The following SCN3B variants were observed in gnomAD, a reference collection of about 807,000 sequenced individuals.
SCN3B encodes sodium voltage-gated channel beta subunit 3.
In SCN3B, 11 loss-of-function variants were observed where a neutral mutation model predicts 25.4. That is an observed-to-expected ratio of 0.43 (90% CI 0.27 to 0.72). The LOEUF is 0.72. Among genes scored for constraint, SCN3B ranks in the 30% least tolerant of loss-of-function variants. The pLI is 0.18. For missense variants in SCN3B, 218 were observed against 278.3 expected (o/e 0.78, Z 1.54); for synonymous variants, 109 against 110.7 (o/e 0.99, Z 0.09).
intron 4 of SCN3B, chr11:123,640,376 C>T (rs1466669318): frequency 6.6e-6 from 1 of 152,192 alleles, no homozygotes; most frequent in Admixed American, 6.5e-5. Flanking sequence ...CCAGAATAAA[C>T]CCAACTTGAA....
rs1955806048 is a variant in SCN3B at position 123,642,635 on chromosome 11, T to G, written c.256A>C (p.Ser86Arg). The G allele has an allele frequency of 5.0e-6, 8 of 1,613,992 alleles. No individual in the cohort carries two copies. The highest frequency in any genetic ancestry group is 6.8e-6 in the Non-Finnish European group (8 of 1,179,978). ...CACTGCAGGCGCCCCTGAAAGGGGCTCTCCACCTCCTGGTGGCCATTCCGA... is the reference window on the plus strand; with the variant it reads ...CACTGCAGGCGCCCCTGAAAGGGGCGCTCCACCTCCTGGTGGCCATTCCGA... ...EYRNGHQEVE[S>R]PFQGRLQWNG... is the part of the protein sequence containing the mutation. The change falls in exon 4 of 7, where the codon AGC becomes CGC. Residue 86 changes from serine (S) to arginine (R), a missense_variant. By Grantham distance (110) the Ser-to-Arg change is moderately radical (BLOSUM62 -1). Coordinates refer to ENST00000299333, the MANE Select transcript of SCN3B (RefSeq NM_001040151.2). The surrounding 1 kb of genome is among the most constrained non-coding windows in gnomAD (Gnocchi z 4.3).
At position 123,653,027 on chromosome 11, in the gene SCN3B, G is replaced by C. The variant is rs887033623; in HGVS notation, c.55+720C>G. 3.3e-5 allele frequency among the ~76,000 whole-genome samples: 5 copies of C among 152,048 alleles called. No individual in the cohort carries two copies. The East Asian group carries it at 9.6e-4, about 29-fold the overall frequency. ...AGATTCCCTTATTTGGAGGGGGAAGGTCACCTCAGTTTCTCACAGCTGACA... is the reference window on the plus strand; with the variant it reads ...AGATTCCCTTATTTGGAGGGGGAAGCTCACCTCAGTTTCTCACAGCTGACA... On this transcript the variant is annotated intron_variant, in intron 2 of 6. Coordinates refer to ENST00000299333, the MANE Select transcript of SCN3B (RefSeq NM_001040151.2).
intron 3 of SCN3B, among the ~76,000 whole-genome samples, chr11:123,644,876 T>C (rs1436284189): frequency 6.7e-6 from 1 of 150,028 alleles, no homozygotes; most frequent in African/African-American, 2.4e-5. Flanking sequence ...CATACATATA[T>C]ATATATACAC....
Position 123,648,058 on chromosome 11 carries a change from C to T in SCN3B, c.56-2308G>A, listed in dbSNP as rs113943170. On this transcript the variant is annotated intron_variant, in intron 2 of 6. Transcript: ENST00000299333. ...TTAAACAAAAAGGAAATGTGGTTTGCGCAAAAGTTTGTGAGTGGGCAGAGG... is the reference window on the plus strand; with the variant it reads ...TTAAACAAAAAGGAAATGTGGTTTGTGCAAAAGTTTGTGAGTGGGCAGAGG... 2.4e-3 allele frequency among the ~76,000 whole-genome samples: 363 copies of T among 152,258 alleles called. 4 individuals carry two copies. Among genetic ancestry groups the T allele is most frequent in the South Asian group, 0.016 (78 of 4,824 alleles).
intron 2 of SCN3B, among the ~76,000 whole-genome samples, chr11:123,652,995 A>T (rs1036782370): frequency 1.3e-5 from 2 of 152,206 alleles, no homozygotes. Context: ...TTACTGTTCC[A>T]AGTGTAAGAT....
chr11:123,653,009 C>G (rs60697108), intron 2 of SCN3B, among the ~76,000 whole-genome samples: 277 of 152,262 alleles, frequency 1.8e-3, no homozygotes, highest in African/African-American at 6.4e-3. Flanking sequence ...GTAAGATTCC[C>G]TTATTTGGAG....
intron 3 of SCN3B, among the ~76,000 whole-genome samples, chr11:123,645,017 G>A (rs977742021): frequency 3.3e-5 from 5 of 151,794 alleles, no homozygotes; most frequent in Non-Finnish European, 5.9e-5. Context: ...TCATGGATAA[G>A]TCTGGGGGTT....
At chr11:123,650,686 T>C (rs1955913906) in intron 2 of SCN3B, among the ~76,000 whole-genome samples, 2 of 152,152 alleles carry the variant, frequency 1.3e-5, no homozygotes, top group Admixed American at 1.3e-4. Flanking sequence ...CTGGCGATTG[T>C]GCATAGTAGC....
intron 5 of SCN3B, among the ~76,000 whole-genome samples, chr11:123,636,783 T>C (rs2137234060): frequency 6.6e-6 from 1 of 151,936 alleles, no homozygotes; most frequent in South Asian, 2.1e-4. Flanking sequence ...AAGCTCCGCC[T>C]CCCAGGTTCA....
In SCN3B at chr11:123,642,727, G is replaced by A; in HGVS notation, c.220-56C>T. On this transcript the variant is annotated intron_variant, in intron 3 of 6. Coordinates refer to ENST00000299333, the MANE Select transcript of SCN3B (RefSeq NM_001040151.2). This position sits in a 1 kb window ranked among gnomAD's most constrained non-coding sequence, Gnocchi z 4.3. ...CCAGGAAAGGAGATGGCAGTGGGGG[G>A]AAGCCGAGTTAGGGACAGGGCAGAG... is the stretch of plus-strand genomic sequence containing the variant. 2.2e-6 allele frequency: 3 copies of A among 1,372,562 alleles called. No individual in the cohort carries two copies. The highest frequency in any genetic ancestry group is 2.3e-5 in the South Asian group (2 of 85,456). The allele number at this position is 1,372,562 out of a possible 1,614,324, so 85.0% of individuals were successfully genotyped here.
intron 2 of SCN3B, among the ~76,000 whole-genome samples, chr11:123,653,325 GTT>G (rs3862615): frequency 0.019 from 2,809 of 145,346 alleles, 81 homozygotes; most frequent in African/African-American, 0.064. Flanking sequence ...AGCTTTTATG[GTT>G]TTTTTTTTTT....
chr11:123,653,325 G>GTTT (rs3862615), intron 2 of SCN3B, among the ~76,000 whole-genome samples: 1,842 of 145,388 alleles, frequency 0.013, 21 homozygotes, highest in Non-Finnish European at 0.019. Flanking sequence ...AGCTTTTATG[G>GTTT]TTTTTTTTTT....
At chr11:123,650,287 C>T (rs147669204) in intron 2 of SCN3B, among the ~76,000 whole-genome samples, 35 of 152,274 alleles carry the variant, frequency 2.3e-4, no homozygotes, top group African/African-American at 7.7e-4. Flanking sequence ...TTCTCTGATA[C>T]CCTCAAATCT....
chr11:123,650,367 A>T (rs1955909880), intron 2 of SCN3B, among the ~76,000 whole-genome samples: 1 of 152,208 alleles, frequency 6.6e-6, no homozygotes, highest in Non-Finnish European at 1.5e-5. Flanking sequence ...TTGCACTGAG[A>T]TAATGAAAAA....
At position 123,629,208 on chromosome 11, in the gene SCN3B, T is replaced by C. The variant is rs1955636153; in HGVS notation, c.*4591A>G. 6.6e-6 allele frequency: 1 copy of C among 152,328 alleles called. No individual in the cohort carries two copies. The highest frequency in any genetic ancestry group is 3.4e-3 in the Middle Eastern group (1 of 294). The allele number at this position is 152,328 out of a possible 1,614,324, so 9.4% of individuals were successfully genotyped here. On this transcript the variant is annotated 3_prime_UTR_variant, in exon 7 of 7. Transcript: ENST00000299333. ...GACAGTGGTTTTCAGGGATACTTTA[T>C]TGACATGAACAAGGAGTTTACTGAA... is the stretch of plus-strand genomic sequence containing the variant.
chr11:123,649,781 G>A (rs1287585024), intron 2 of SCN3B, among the ~76,000 whole-genome samples: 2 of 150,530 alleles, frequency 1.3e-5, no homozygotes, highest in African/African-American at 4.9e-5. Flanking sequence ...TCAGCTTACT[G>A]CAACCTCCGC....
At chr11:123,634,289 G>T in intron 5 of SCN3B, 83 bp from the exon 6 acceptor site, 3 of 1,095,012 alleles carry the variant, frequency 2.7e-6, no homozygotes, top group Non-Finnish European at 4.2e-6. Flanking sequence ...GGGCACAGGA[G>T]CAAGGATCTA....
At chr11:123,649,790 G>A (rs1395272743) in intron 2 of SCN3B, among the ~76,000 whole-genome samples, 2 of 150,720 alleles carry the variant, frequency 1.3e-5, no homozygotes, top group Non-Finnish European at 2.9e-5. Flanking sequence ...TGCAACCTCC[G>A]CCTCCTGGGT....
chr11:123,635,750 G>A lies in SCN3B; in HGVS notation c.585-1544C>T, dbSNP rs148907892. Among the ~76,000 whole-genome samples the A allele has an allele frequency of 1.6e-4, 25 of 152,118 alleles. No individual in the cohort carries two copies. In the East Asian group the frequency reaches 4.6e-3, roughly 28 times the overall value. ...ATAAGACAAATCCTACCAACCTCTT[G>A]CAAATTTACTGCTCTTTCTTTGAAA... On this transcript the variant is annotated intron_variant, in intron 5 of 6. Coordinates refer to ENST00000299333, the MANE Select transcript of SCN3B (RefSeq NM_001040151.2).
Sources: allele counts gnomAD v4.1 joint callset (sites outside exome capture counted in the v4.1 genomes callset), GRCh38; gene constraint gnomAD v4.1.1; non-coding constraint Gnocchi (gnomAD v3.1); transcripts MANE v1.5; gene names NCBI Gene and HGNC (gene_info 2026-07-23, HGNC 2026-07-21).